LIX1: variants seen among roughly 807,000 people sequenced by gnomAD.
LIX1 encodes protein limb expression 1 homolog.
Under a neutral mutation model 33.4 loss-of-function variants are expected in LIX1, and 24 were observed. That is an observed-to-expected ratio of 0.72 (90% CI 0.52 to 1.01). The LOEUF is 1.01. LIX1 is among the 50% of genes least tolerant of loss of function. LIX1 has a pLI of 0.00. For synonymous variants in LIX1, 124 were observed against 124.0 expected (o/e 1.00, Z 0.00); for missense variants, 311 against 339.2 (o/e 0.92, Z 0.65).
intron 1 of LIX1, among the ~76,000 whole-genome samples, chr5:97,136,403 G>A (rs1275987184): frequency 6.6e-6 from 1 of 152,232 alleles, no homozygotes; most frequent in Non-Finnish European, 1.5e-5. Flanking sequence ...ACACCTGACA[G>A]TGGGCAGAAT....
chr5:97,100,893 G>GA (rs11358378), intron 4 of LIX1, among the ~76,000 whole-genome samples: 1,300 of 114,082 alleles, frequency 0.011, 9 homozygotes, highest in Non-Finnish European at 0.012. Context: ...CTCTGTCTCA[G>GA]AAAAAAAAAA....
intron 1 of LIX1, among the ~76,000 whole-genome samples, chr5:97,140,481 T>C (rs1231555710): frequency 6.6e-6 from 1 of 152,178 alleles, no homozygotes; most frequent in Non-Finnish European, 1.5e-5. Context: ...TCAAGGCTGG[T>C]GGCAGCTTTT....
chr5:97,094,853 C>A lies in LIX1; in HGVS notation c.744G>T (p.Lys248Asn). The change falls in exon 6 of 6, where the codon AAG becomes AAT. Residue 248 changes from lysine (K) to asparagine (N), a missense_variant. By Grantham distance (94) the Lys-to-Asn change is moderately conservative (BLOSUM62 0). Coordinates refer to ENST00000274382, the MANE Select transcript of LIX1 (RefSeq NM_153234.5). ...AGQELRFYKE[K>N]KEILSLALTQ... ...TCAGGGCTAAGCTCAATATTTCTTT[C>A]TTTTCTTTGTAAAACCGTAGTTCTT... is the stretch of plus-strand genomic sequence containing the variant. 6.2e-7 allele frequency: 1 copy of A among 1,614,222 alleles called. No individual in the cohort carries two copies. The highest frequency in any genetic ancestry group is 1.1e-5 in the South Asian group (1 of 91,088).
chr5:97,103,944 G>A (rs868007783), intron 4 of LIX1, among the ~76,000 whole-genome samples: 20 of 144,860 alleles, frequency 1.4e-4, no homozygotes, highest in Middle Eastern at 3.8e-3. Context: ...CAGCCTGGGC[G>A]ACAGAGCTAG....
chr5:97,099,699 TG>T (rs1324683302), intron 4 of LIX1, among the ~76,000 whole-genome samples: 1 of 151,922 alleles, frequency 6.6e-6, no homozygotes, highest in Non-Finnish European at 1.5e-5. Flanking sequence ...TAGCCAGGTG[TG>T]GTGGTGGGTA....
chr5:97,108,392 A>T (rs1325104908), intron 2 of LIX1, among the ~76,000 whole-genome samples: 1 of 152,136 alleles, frequency 6.6e-6, no homozygotes, highest in Non-Finnish European at 1.5e-5. Flanking sequence ...ATTGTGCTCC[A>T]TCCTGCTAGA....
chr5:97,139,220 C>T (rs566524865), intron 1 of LIX1, among the ~76,000 whole-genome samples: 1 of 152,294 alleles, frequency 6.6e-6, no homozygotes, highest in South Asian at 2.1e-4. Context: ...ATTGTACCTA[C>T]ATTACTAGCT....
At chr5:97,115,954 T>G (rs1747624983) in intron 2 of LIX1, among the ~76,000 whole-genome samples, 1 of 152,172 alleles carries the variant, frequency 6.6e-6, no homozygotes, top group South Asian at 2.1e-4. Flanking sequence ...CCAAATAAAT[T>G]GACTCTGTGA....
intron 1 of LIX1, among the ~76,000 whole-genome samples, chr5:97,127,545 A>G (rs752452048): frequency 1.1e-4 from 16 of 152,196 alleles, no homozygotes; most frequent in Non-Finnish European, 1.9e-4. Context: ...TGAAGTGCAG[A>G]GGGAAGAAGG....
intron 2 of LIX1, among the ~76,000 whole-genome samples, chr5:97,109,065 T>G (rs1747222405): frequency 6.6e-6 from 1 of 152,136 alleles, no homozygotes; most frequent in Non-Finnish European, 1.5e-5. Context: ...TCGTGTCCTC[T>G]AGAGACCTGT....
rs1746143552 is a variant in LIX1 at position 97,092,838 on chromosome 5, T to C, written c.*1910A>G. 6.6e-6 allele frequency: 1 copy of C among 152,320 alleles called. No individual in the cohort carries two copies. The highest frequency in any genetic ancestry group is 1.5e-5 in the Non-Finnish European group (1 of 68,026). 9.4% of individuals were successfully genotyped at this position (152,320 alleles called of 1,614,324 possible). A position where few individuals can be genotyped will look rare whatever the true frequency, so the allele number is the denominator to read the frequency against. ...ATGGGAAATTGTGGCTTTTTGGAAA[T>C]GACAATGTAAAGAGTAATGGCTTTA... On this transcript the variant is annotated 3_prime_UTR_variant, in exon 6 of 6. Transcript: ENST00000274382.
chr5:97,111,973 A>C (rs986455022), intron 2 of LIX1, among the ~76,000 whole-genome samples: 10 of 152,228 alleles, frequency 6.6e-5, no homozygotes, highest in African/African-American at 2.4e-4. Context: ...TTTGCTTAAA[A>C]CGGGGGAGAA....
At chr5:97,101,733 C>A (rs76461012) in intron 4 of LIX1, 1 of 152,178 alleles carries the variant, frequency 6.6e-6, no homozygotes, top group African/African-American at 2.4e-5. Flanking sequence ...AAAATGCTCA[C>A]TGCTTCTCTT....
intron 4 of LIX1, chr5:97,102,984 C>CA (rs1746795435): frequency 4.6e-6 from 2 of 435,104 alleles, no homozygotes; most frequent in Non-Finnish European, 9.0e-6. Context: ...TTAAATCCCG[C>CA]AAAAATTCTA....
chr5:97,106,500 AG>A (rs1747037955), intron 3 of LIX1, among the ~76,000 whole-genome samples: 1 of 152,246 alleles, frequency 6.6e-6, no homozygotes, highest in African/African-American at 2.4e-5. Context: ...GAAACAGAGA[AG>A]GAAATCTCAG....
Position 97,092,521 on chromosome 5 carries a change from A to AG in LIX1, c.*2226dup, listed in dbSNP as rs1746127811. On this transcript the variant is annotated 3_prime_UTR_variant, in exon 6 of 6. Coordinates refer to ENST00000274382, the MANE Select transcript of LIX1 (RefSeq NM_153234.5). Reference sequence around the variant, plus strand: ...TGATTTACTATCAAATCAGCATTAAAGGGACCAGCAAAGATTCTGACTTTT... The same window carrying AG: ...TGATTTACTATCAAATCAGCATTAAAGGGGACCAGCAAAGATTCTGACTTTT... 1 of 152,384 alleles carries AG rather than the reference A, an allele frequency of 6.6e-6. No homozygotes were observed. Among genetic ancestry groups the AG allele is most frequent in the African/African-American group, 2.4e-5 (1 of 41,460 alleles). The allele number at this position is 152,384 out of a possible 1,614,324, so 9.4% of individuals were successfully genotyped here.
rs185537953 is a variant in LIX1 at position 97,134,696 on chromosome 5, A to T, written c.82+7799T>A. Among the ~76,000 whole-genome samples, 130 of 152,296 alleles carry T rather than the reference A, an allele frequency of 8.5e-4. 3 individuals are homozygous for T. The East Asian group carries it at 0.023, about 27-fold the overall frequency. On this transcript the variant is annotated intron_variant, in intron 1 of 5. Coordinates refer to ENST00000274382, the MANE Select transcript of LIX1 (RefSeq NM_153234.5). ...ATGAAAATGAGTTGAAAAATGTGGT[A>T]CCTTTGGGTCTTGTGCTGGGCTTAG...
intron 1 of LIX1, among the ~76,000 whole-genome samples, chr5:97,141,037 C>A (rs1434491663): frequency 6.6e-6 from 1 of 152,174 alleles, no homozygotes; most frequent in Non-Finnish European, 1.5e-5. Context: ...TAAACAATCG[C>A]AGCAATTTAG....
At chr5:97,138,278 T>C (rs1430839287) in intron 1 of LIX1, among the ~76,000 whole-genome samples, 2 of 152,228 alleles carry the variant, frequency 1.3e-5, no homozygotes, top group Non-Finnish European at 2.9e-5. Context: ...ACAATTAAGA[T>C]ACTTTTTAAA....
Sources: gnomAD v4.1 joint callset for allele counts (sites outside exome capture counted in the v4.1 genomes callset) on GRCh38, gnomAD v4.1.1 for gene constraint, MANE v1.5 for transcripts, NCBI Gene and HGNC (gene_info 2026-07-23, HGNC 2026-07-21) for gene names.